PLCB1: variants seen among roughly 807,000 people sequenced by gnomAD.
PLCB1 encodes 1-phosphatidylinositol 4,5-bisphosphate phosphodiesterase beta-1.
In PLCB1, 46 loss-of-function variants were observed where a neutral mutation model predicts 161.8. That is an observed-to-expected ratio of 0.28 (90% CI 0.22 to 0.36). The LOEUF is 0.36. Among genes scored for constraint, PLCB1 ranks in the 10% least tolerant of loss-of-function variants. The pLI is 1.00. For missense variants in PLCB1, 1,016 were observed against 1,472.5 expected (o/e 0.69, Z 5.07); for synonymous variants, 517 against 503.7 (o/e 1.03, Z -0.35).
chr20:8,862,085 A>G (rs935379428), intron 31 of PLCB1, among the ~76,000 whole-genome samples: 1 of 152,152 alleles, frequency 6.6e-6, no homozygotes, highest in East Asian at 1.9e-4. Flanking sequence ...TTTCTTAAGG[A>G]TACTATTTAT....
chr20:8,562,956 AC>A (rs1398682193), intron 3 of PLCB1, among the ~76,000 whole-genome samples: 2 of 152,016 alleles, frequency 1.3e-5, no homozygotes, highest in Non-Finnish European at 2.9e-5. Context: ...CTGTTTGCTG[AC>A]CATGGTGTAG....
intron 31 of PLCB1, among the ~76,000 whole-genome samples, chr20:8,823,843 A>G (rs2096678336): frequency 6.6e-6 from 1 of 152,152 alleles, no homozygotes; most frequent in East Asian, 1.9e-4. Context: ...TGAAGATCTT[A>G]CACATTCTAA....
intron 2 of PLCB1, among the ~76,000 whole-genome samples, chr20:8,211,775 G>C (rs940292724): frequency 3.3e-5 from 5 of 151,956 alleles, no homozygotes; most frequent in African/African-American, 1.2e-4. Flanking sequence ...ATTATGATTG[G>C]AACAGATTGC....
At chr20:8,802,880 C>G (rs1984350369) in intron 31 of PLCB1, among the ~76,000 whole-genome samples, 1 of 152,148 alleles carries the variant, frequency 6.6e-6, no homozygotes, top group Non-Finnish European at 1.5e-5. Context: ...ATTCCCTTCA[C>G]TAATAAGAAA....
intron 31 of PLCB1, among the ~76,000 whole-genome samples, chr20:8,810,204 C>T (rs1600346231): frequency 6.6e-6 from 1 of 152,106 alleles, no homozygotes; most frequent in East Asian, 1.9e-4. Context: ...CACATTCGAC[C>T]TTTTATTAAA....
At chr20:8,655,093 A>G (rs1252482074) in intron 7 of PLCB1, among the ~76,000 whole-genome samples, 1 of 152,086 alleles carries the variant, frequency 6.6e-6, no homozygotes, top group African/African-American at 2.4e-5. Context: ...TCGCAATGAA[A>G]ATAATGTTGT....
At chr20:8,450,078 A>G (rs1981004182) in intron 3 of PLCB1, among the ~76,000 whole-genome samples, 1 of 152,200 alleles carries the variant, frequency 6.6e-6, no homozygotes, top group Non-Finnish European at 1.5e-5. Context: ...ACACATTAGC[A>G]TGACCCCGTT....
At chr20:8,285,188 A>G (rs1042740580) in intron 2 of PLCB1, among the ~76,000 whole-genome samples, 2 of 150,928 alleles carry the variant, frequency 1.3e-5, no homozygotes, top group Non-Finnish European at 1.5e-5. Context: ...TGTTTGCTCT[A>G]GTAAATATTT....
intron 3 of PLCB1, among the ~76,000 whole-genome samples, chr20:8,376,882 C>T (rs551709316): frequency 5.1e-4 from 77 of 151,588 alleles, no homozygotes; most frequent in African/African-American, 1.8e-3. Context: ...GAGCCAAGAT[C>T]ACACCACTGC....
intron 9 of PLCB1, among the ~76,000 whole-genome samples, chr20:8,671,803 C>T (rs1178028274): frequency 6.6e-6 from 1 of 152,164 alleles, no homozygotes; most frequent in Non-Finnish European, 1.5e-5. Context: ...CACCATCAAC[C>T]ACACCCACCA....
At chr20:8,551,190 G>T (rs767683390) in intron 3 of PLCB1, among the ~76,000 whole-genome samples, 2 of 152,012 alleles carry the variant, frequency 1.3e-5, no homozygotes, top group African/African-American at 2.4e-5. Context: ...TTACCTTCAG[G>T]TTAGCTATAA....
chr20:8,453,128 C>G (rs1223329561), intron 3 of PLCB1, among the ~76,000 whole-genome samples: 1 of 152,210 alleles, frequency 6.6e-6, no homozygotes, highest in Non-Finnish European at 1.5e-5. Context: ...TCTGGCATCG[C>G]ATCCTTCCTA....
intron 12 of PLCB1, among the ~76,000 whole-genome samples, chr20:8,711,801 G>C (rs1979032038): frequency 6.6e-6 from 1 of 151,668 alleles, no homozygotes; most frequent in Non-Finnish European, 1.5e-5. Flanking sequence ...GGCAGTAGCA[G>C]CACTCTTTCC....
chr20:8,397,136 C>A (rs1000983681), intron 3 of PLCB1, among the ~76,000 whole-genome samples: 1 of 151,942 alleles, frequency 6.6e-6, no homozygotes, highest in Admixed American at 6.6e-5. Flanking sequence ...AATTTTGATT[C>A]CTTACTGCAT....
intron 31 of PLCB1, among the ~76,000 whole-genome samples, chr20:8,848,250 T>C (rs2146298434): frequency 6.6e-6 from 1 of 152,322 alleles, no homozygotes; most frequent in Admixed American, 6.5e-5. Flanking sequence ...CTTATGATCC[T>C]ACGGAGTTAG....
In PLCB1 at chr20:8,249,560, A is replaced by G. The variant is rs1981041996; in HGVS notation, c.177+99189A>G. Reference sequence around the variant, plus strand: ...TGGTGGCAAGATTCCAAAATTAATTATGAAGACTATTGGAATGATGTAGCA... The same window carrying G: ...TGGTGGCAAGATTCCAAAATTAATTGTGAAGACTATTGGAATGATGTAGCA... On this transcript the variant is annotated intron_variant, in intron 2 of 31. Transcript: ENST00000338037. 2 of 151,998 alleles carry G rather than the reference A, an allele frequency of 1.3e-5. 1 individual carries two copies. Among genetic ancestry groups the G allele is most frequent in the South Asian group, 4.1e-4 (2 of 4,830 alleles). 9.4% of individuals were successfully genotyped at this position (151,998 alleles called of 1,614,324 possible).
chr20:8,681,108 A>ATATATATATC (rs1990206737), intron 9 of PLCB1, among the ~76,000 whole-genome samples: 2 of 132,526 alleles, frequency 1.5e-5, no homozygotes, highest in South Asian at 4.6e-4. Flanking sequence ...ATATATATAT[A>ATATATATATC]TATATATATA....
chr20:8,671,807 C>A (rs1473124780), intron 9 of PLCB1, among the ~76,000 whole-genome samples: 3 of 152,194 alleles, frequency 2.0e-5, no homozygotes, highest in Non-Finnish European at 4.4e-5. Context: ...ATCAACCACA[C>A]CCACCACTAT....
At chr20:8,333,026 G>A (rs1315700556) in intron 2 of PLCB1, among the ~76,000 whole-genome samples, 4 of 152,148 alleles carry the variant, frequency 2.6e-5, no homozygotes, top group South Asian at 2.1e-4. Flanking sequence ...TCTTCTCAAC[G>A]AGGGACTACG....
Sources: allele counts gnomAD v4.1 joint callset (sites outside exome capture counted in the v4.1 genomes callset), GRCh38; gene constraint gnomAD v4.1.1; transcripts MANE v1.5; gene names NCBI Gene and HGNC (gene_info 2026-07-23, HGNC 2026-07-21).